GNG4: variants seen among roughly 807,000 people sequenced by gnomAD.
The protein encoded by GNG4 is G protein subunit gamma 4.
In GNG4, 4 loss-of-function variants were observed where a neutral mutation model predicts 5.8. The observed-to-expected ratio is 0.69, with a 90% CI of 0.34 to 1.57. The LOEUF is 1.57. Ranked by LOEUF, GNG4 falls within the 40% of genes most tolerant of loss-of-function variation. The pLI, the probability that GNG4 is intolerant of heterozygous loss-of-function variation, is 0.06. For synonymous variants in GNG4, 29 were observed against 32.9 expected (o/e 0.88, Z 0.41); for missense variants, 96 against 95.1 (o/e 1.01, Z -0.04).
intron 1 of GNG4, among the ~76,000 whole-genome samples, chr1:235,599,380 G>A (rs569859044): frequency 1.3e-5 from 2 of 150,598 alleles, no homozygotes; most frequent in South Asian, 2.1e-4. Context: ...GCAGTGACGC[G>A]ATCTTGGTTC....
At chr1:235,595,762 G>C (rs1351229157) in intron 1 of GNG4, among the ~76,000 whole-genome samples, 1 of 152,180 alleles carries the variant, frequency 6.6e-6, no homozygotes, top group African/African-American at 2.4e-5. Context: ...TCACCAGACT[G>C]CTCCCCTGGA....
rs1686705716 is a variant in GNG4, at chr1:235,550,258, C to G, written c.*1851G>C. The G allele has an allele frequency of 6.6e-6, 1 of 152,182 alleles. No homozygotes were observed. The highest frequency in any genetic ancestry group is 1.5e-5 in the Non-Finnish European group (1 of 68,032). The allele number at this position is 152,182 out of a possible 1,614,324, so 9.4% of individuals were successfully genotyped here. A position where few individuals can be genotyped will look rare whatever the true frequency, so the allele number is the denominator to read the frequency against. On this transcript the variant is annotated 3_prime_UTR_variant, in exon 4 of 4. Transcript: ENST00000391854. ...CCTTAAACTACCAGAATACGGCTTC[C>G]TCCTGGAGAATGTGGGAAGTGAAGT...
intron 1 of GNG4, among the ~76,000 whole-genome samples, chr1:235,604,317 C>T (rs1472189358): frequency 2.0e-5 from 3 of 152,184 alleles, no homozygotes; most frequent in Non-Finnish European, 2.9e-5. Flanking sequence ...ACACGGGGGA[C>T]GAAAAGGTAG....
intron 1 of GNG4, among the ~76,000 whole-genome samples, chr1:235,645,634 C>T (rs1001639963): frequency 5.9e-5 from 9 of 151,872 alleles, no homozygotes; most frequent in East Asian, 1.9e-4. Context: ...CCCGTCTCTA[C>T]TAAAAATACA....
chr1:235,554,388 C>T (rs1278553584), intron 3 of GNG4, among the ~76,000 whole-genome samples: 1 of 152,200 alleles, frequency 6.6e-6, no homozygotes, highest in African/African-American at 2.4e-5. Context: ...ATCCATTGAC[C>T]CCTCTGGCAA....
At chr1:235,558,329 C>T (rs1355002348) in intron 3 of GNG4, among the ~76,000 whole-genome samples, 1 of 152,212 alleles carries the variant, frequency 6.6e-6, no homozygotes, top group African/African-American at 2.4e-5. Context: ...GGGAGTTTTC[C>T]ACCTTCATCA....
Position 235,606,730 on chromosome 1 carries a change from G to A in GNG4, c.-122-11219C>T, listed in dbSNP as rs1688368296. On this transcript the variant is annotated intron_variant, in intron 1 of 3. Coordinates refer to ENST00000391854, the MANE Select transcript of GNG4 (RefSeq NM_001098722.2). ...TCACAGGGAGTTTGGGCTGAAGACG[G>A]AGCTGAGCAACTCATGACTTGTAGG... is the stretch of plus-strand genomic sequence containing the variant. Among the ~76,000 whole-genome samples, 3 of 152,124 alleles carry A rather than the reference G, an allele frequency of 2.0e-5. No individual in the cohort carries two copies. The South Asian group carries it at 6.2e-4, about 32-fold the overall frequency.
chr1:235,590,573 C>G (rs1034866434), intron 2 of GNG4, among the ~76,000 whole-genome samples: 2 of 152,158 alleles, frequency 1.3e-5, no homozygotes, highest in East Asian at 3.9e-4. Flanking sequence ...GGTAAACAGG[C>G]CTGCTCCACG....
chr1:235,633,904 C>A (rs1688980431), intron 1 of GNG4, among the ~76,000 whole-genome samples: 2 of 152,152 alleles, frequency 1.3e-5, no homozygotes, highest in South Asian at 4.2e-4. Context: ...TGGCCCAGCT[C>A]ATGGACAGTC....
chr1:235,628,181 AACAACAACAACAAAG>A (rs1688857038), intron 1 of GNG4, among the ~76,000 whole-genome samples: 2 of 152,098 alleles, frequency 1.3e-5, no homozygotes, highest in African/African-American at 4.8e-5. Context: ...ACTCTGTCTC[AACAACAACAACAAAG>A]ACAACAACAA....
At chr1:235,559,005 C>T (rs1446374696) in intron 3 of GNG4, among the ~76,000 whole-genome samples, 6 of 152,248 alleles carry the variant, frequency 3.9e-5, no homozygotes, top group Admixed American at 2.6e-4. Flanking sequence ...GAGAAAATGC[C>T]GCAATTACTA....
At chr1:235,573,199 C>T (rs1424621443) in intron 3 of GNG4, among the ~76,000 whole-genome samples, 1 of 151,950 alleles carries the variant, frequency 6.6e-6, no homozygotes, top group Non-Finnish European at 1.5e-5. Context: ...AAGCTGGAAA[C>T]CATCATTCTG....
chr1:235,608,687 A>ATT (rs58183552), intron 1 of GNG4, among the ~76,000 whole-genome samples: 3 of 143,404 alleles, frequency 2.1e-5, no homozygotes, highest in Non-Finnish European at 3.1e-5. Context: ...TTTATTTTTT[A>ATT]TTTTTTTTTT....
intron 2 of GNG4, among the ~76,000 whole-genome samples, chr1:235,593,778 GT>G (rs2102954548): frequency 6.6e-6 from 1 of 152,270 alleles, no homozygotes; most frequent in East Asian, 1.9e-4. Flanking sequence ...CTCCCAGTGG[GT>G]TTGTGGTCTC....
intron 3 of GNG4, among the ~76,000 whole-genome samples, chr1:235,580,759 T>TG (rs1025016246): frequency 1.3e-5 from 2 of 148,362 alleles, no homozygotes; most frequent in Non-Finnish European, 3.0e-5. Context: ...TTTTTTTTTT[T>TG]TTTTTTCCTG....
intron 3 of GNG4, among the ~76,000 whole-genome samples, chr1:235,557,590 C>T (rs1168504430): frequency 5.3e-5 from 8 of 152,030 alleles, no homozygotes; most frequent in South Asian, 4.2e-4. Context: ...TAAACTGTCA[C>T]GATAGCTCTC....
intron 3 of GNG4, among the ~76,000 whole-genome samples, chr1:235,569,130 G>A (rs1687273587): frequency 6.6e-6 from 1 of 152,032 alleles, no homozygotes; most frequent in Non-Finnish European, 1.5e-5. Flanking sequence ...CCTGGCCTGG[G>A]CCTGTTTTCT....
chr1:235,590,321 G>A (rs1397973728), intron 2 of GNG4, among the ~76,000 whole-genome samples: 1 of 152,154 alleles, frequency 6.6e-6, no homozygotes, highest in African/African-American at 2.4e-5. Flanking sequence ...CAGGCATGGT[G>A]GTGGGTGCCT....
chr1:235,630,214 A>G (rs7556092), intron 1 of GNG4, among the ~76,000 whole-genome samples: 1,567 of 152,290 alleles, frequency 0.01, 20 homozygotes, highest in African/African-American at 0.034. Flanking sequence ...ATAACTTCAC[A>G]TACACTAAAC....
Sources: gnomAD v4.1 joint callset for allele counts (sites outside exome capture counted in the v4.1 genomes callset) on GRCh38, gnomAD v4.1.1 for gene constraint, MANE v1.5 for transcripts, NCBI Gene and HGNC (gene_info 2026-07-23, HGNC 2026-07-21) for gene names.